Variants in CPHXL2 observed in about 807,000 individuals in gnomAD.
The protein encoded by CPHXL2 is cytoplasmic polyadenylated homeobox-like protein 2.
At chr16:75,664,783 A>G in the CPHXL2 span, among the ~76,000 whole-genome samples, 2 of 152,118 alleles carry the variant, frequency 1.3e-5, no homozygotes, top group Admixed American at 1.3e-4. Flanking sequence ...TAATGGATTA[A>G]TGGGTTATCA....
At chr16:75,672,603 C>G in the CPHXL2 span, among the ~76,000 whole-genome samples, 14 of 152,286 alleles carry the variant, frequency 9.2e-5, no homozygotes, top group African/African-American at 3.1e-4. Flanking sequence ...GTGATCTTAT[C>G]AACTCAGCCT....
the CPHXL2 span, among the ~76,000 whole-genome samples, chr16:75,670,157 G>T: frequency 6.6e-6 from 1 of 152,124 alleles, no homozygotes; most frequent in Admixed American, 6.6e-5. Context: ...CTTGTGATTT[G>T]CCTGCCTTGG....
the CPHXL2 span, chr16:75,669,216 T>G: frequency 2.6e-6 from 1 of 389,602 alleles, no homozygotes; most frequent in African/African-American, 2.1e-5. Context: ...TGGGGAGCGC[T>G]GAGGTTGGGG....
the CPHXL2 span, among the ~76,000 whole-genome samples, chr16:75,664,023 A>G: frequency 6.6e-6 from 1 of 152,190 alleles, no homozygotes; most frequent in Non-Finnish European, 1.5e-5. Context: ...CCTTATGGTA[A>G]CCCAGACATT....
the CPHXL2 span, among the ~76,000 whole-genome samples, chr16:75,666,203 TA>T: frequency 6.6e-6 from 1 of 152,228 alleles, no homozygotes; most frequent in Non-Finnish European, 1.5e-5. Context: ...TATATAATGG[TA>T]AAAGGCCTTG....
At chr16:75,669,323 A>AG in the CPHXL2 span, 3 of 400,056 alleles carry the variant, frequency 7.5e-6, no homozygotes, top group Admixed American at 1.3e-4. Context: ...CCTAAAAAAA[A>AG]AAAAAAATCT....
chr16:75,669,401 G>C, the CPHXL2 span: 1 of 400,578 alleles, frequency 2.5e-6, no homozygotes, highest in East Asian at 3.6e-5. Context: ...TTGTTGGCCA[G>C]TGTTTTCCTA....
the CPHXL2 span, among the ~76,000 whole-genome samples, chr16:75,668,160 C>A: frequency 6.6e-6 from 1 of 151,846 alleles, no homozygotes; most frequent in Admixed American, 6.6e-5. Flanking sequence ...ATAATAATAC[C>A]GTTTTCCTAT....
chr16:75,673,375 C>T, the CPHXL2 span, among the ~76,000 whole-genome samples: 3 of 151,536 alleles, frequency 2.0e-5, no homozygotes. Context: ...TTGGAGGCTG[C>T]AGTGAATGGT....
chr16:75,675,442 G>C, the CPHXL2 span, among the ~76,000 whole-genome samples: 1 of 151,996 alleles, frequency 6.6e-6, no homozygotes, highest in African/African-American at 2.4e-5. Flanking sequence ...TTCAACAAAG[G>C]TGTCAAAATA....
chr16:75,676,432 C>A, the CPHXL2 span, among the ~76,000 whole-genome samples: 4 of 152,270 alleles, frequency 2.6e-5, no homozygotes, highest in Middle Eastern at 6.8e-3. Context: ...CAGATGATCC[C>A]TCCTGCCTCA....
chr16:75,666,239 T>C, the CPHXL2 span, among the ~76,000 whole-genome samples: 1 of 152,150 alleles, frequency 6.6e-6, no homozygotes, highest in African/African-American at 2.4e-5. Flanking sequence ...ATCACAATCC[T>C]AAATATATAT....
At chr16:75,675,014 C>A in the CPHXL2 span, among the ~76,000 whole-genome samples, 2 of 150,290 alleles carry the variant, frequency 1.3e-5, no homozygotes, top group Non-Finnish European at 3.0e-5. Flanking sequence ...TATGGTGAAA[C>A]CCCGTCTCTA....
chr16:75,669,522 T>G, the CPHXL2 span: 2 of 399,140 alleles, frequency 5.0e-6, no homozygotes, highest in Admixed American at 4.4e-5. Flanking sequence ...TTGTTTGTCT[T>G]TCTTCATTAT....
the CPHXL2 span, among the ~76,000 whole-genome samples, chr16:75,669,740 G>T: frequency 5.1e-4 from 77 of 152,284 alleles, no homozygotes; most frequent in African/African-American, 1.8e-3. Flanking sequence ...AGGCCTATGG[G>T]CCAGATCCAG....
chr16:75,670,242 T>G, the CPHXL2 span, among the ~76,000 whole-genome samples: 2 of 152,098 alleles, frequency 1.3e-5, no homozygotes. Context: ...TAGAACTAAT[T>G]GCAGAAGAAT....
At chr16:75,670,371 C>T in the CPHXL2 span, among the ~76,000 whole-genome samples, 2 of 152,094 alleles carry the variant, frequency 1.3e-5, no homozygotes, top group Non-Finnish European at 2.9e-5. Flanking sequence ...GAACAGAGGC[C>T]TCTGGGTGCC....
chr16:75,671,307 A>G, the CPHXL2 span, among the ~76,000 whole-genome samples: 1 of 149,660 alleles, frequency 6.7e-6, no homozygotes, highest in South Asian at 2.1e-4. Flanking sequence ...GGCTGCAGTG[A>G]GGAGAGATCG....
chr16:75,675,552 T>C, the CPHXL2 span, among the ~76,000 whole-genome samples: 1 of 152,030 alleles, frequency 6.6e-6, no homozygotes, highest in Non-Finnish European at 1.5e-5. Context: ...GAAAAAATGT[T>C]TGGAAGTCTT....
Sources: gnomAD v4.1 joint callset for allele counts (sites outside exome capture counted in the v4.1 genomes callset) on GRCh38, gnomAD v4.1.1 for gene constraint, MANE v1.5 for transcripts, NCBI Gene and HGNC (gene_info 2026-07-23, HGNC 2026-07-21) for gene names.